CSMD1: variants seen among roughly 807,000 people sequenced by gnomAD.
The protein encoded by CSMD1 is CUB and sushi domain-containing protein 1.
CSMD1 carries 213 observed loss-of-function variants against 417.5 expected under a neutral mutation model. The observed-to-expected ratio is 0.51, with a 90% CI of 0.46 to 0.57. CSMD1 has a LOEUF of 0.57. Among genes scored for constraint, CSMD1 ranks in the 20% least tolerant of loss-of-function variants. The pLI is 0.00. For missense variants in CSMD1, 6,923 were observed against 4,529.7 expected (o/e 1.53, Z -15.17); for synonymous variants, 2,862 against 1,736.8 (o/e 1.65, Z -16.11).
intron 3 of CSMD1, among the ~76,000 whole-genome samples, chr8:4,204,723 T>C (rs561443085): frequency 2.0e-4 from 30 of 152,260 alleles, no homozygotes; most frequent in African/African-American, 7.2e-4. Flanking sequence ...AGTCAGATCA[T>C]AGCTCACTGC....
intron 5 of CSMD1, among the ~76,000 whole-genome samples, chr8:3,781,381 G>C (rs1328289686): frequency 6.6e-6 from 1 of 152,160 alleles, no homozygotes; most frequent in Non-Finnish European, 1.5e-5. Context: ...ATTCTATAGA[G>C]TTAATGCAAG....
intron 26 of CSMD1, among the ~76,000 whole-genome samples, chr8:3,249,082 G>A (rs1800084616): frequency 6.6e-6 from 1 of 152,292 alleles, no homozygotes; most frequent in African/African-American, 2.4e-5. Flanking sequence ...CTCAAAAAAT[G>A]TTTGTCGAAT....
chr8:4,302,096 C>T (rs1445732709), intron 3 of CSMD1, among the ~76,000 whole-genome samples: 1 of 152,068 alleles, frequency 6.6e-6, no homozygotes, highest in Non-Finnish European at 1.5e-5. Context: ...TTGTATAGTT[C>T]ATCATGTTCA....
chr8:3,582,972 T>A (rs1159424338), intron 9 of CSMD1, among the ~76,000 whole-genome samples: 1 of 152,170 alleles, frequency 6.6e-6, no homozygotes, highest in Non-Finnish European at 1.5e-5. Context: ...ATTAACTGAC[T>A]AAGTTAAGGA....
At chr8:4,514,585 G>A (rs1426954838) in intron 2 of CSMD1, among the ~76,000 whole-genome samples, 1 of 152,158 alleles carries the variant, frequency 6.6e-6, no homozygotes, top group African/African-American at 2.4e-5. Flanking sequence ...GAGACCGCTT[G>A]ACCTAATCTA....
intron 7 of CSMD1, 74 bp from the exon 8 acceptor site, chr8:3,616,871 G>C: frequency 2.0e-6 from 2 of 1,008,428 alleles, no homozygotes; most frequent in Non-Finnish European, 2.9e-6. Flanking sequence ...ATTTATTCTA[G>C]GCATTTTCAG....
At chr8:3,227,070 G>A (rs2116888629) in intron 27 of CSMD1, among the ~76,000 whole-genome samples, 1 of 152,212 alleles carries the variant, frequency 6.6e-6, no homozygotes, top group East Asian at 1.9e-4. Flanking sequence ...ATATATGGCT[G>A]ATGGCAGGTT....
intron 23 of CSMD1, among the ~76,000 whole-genome samples, 197 bp from the exon 24 acceptor site, chr8:3,308,700 C>G (rs1014690541): frequency 1.4e-5 from 2 of 143,682 alleles, no homozygotes; most frequent in African/African-American, 5.3e-5. Flanking sequence ...TCTTGAAGTT[C>G]GGTCATCTTA....
chr8:4,456,487 T>C (rs1223385264), intron 2 of CSMD1, among the ~76,000 whole-genome samples: 1 of 152,148 alleles, frequency 6.6e-6, no homozygotes. Flanking sequence ...GGAATAGTCT[T>C]TGGAAAATTG....
intron 10 of CSMD1, among the ~76,000 whole-genome samples, chr8:3,549,573 G>C (rs1798822028): frequency 6.6e-6 from 1 of 152,186 alleles, no homozygotes; most frequent in South Asian, 2.1e-4. Context: ...GCATTAATTT[G>C]TTAATGAATT....
chr8:3,628,373 T>A (rs1469296083), intron 7 of CSMD1, among the ~76,000 whole-genome samples: 1 of 152,226 alleles, frequency 6.6e-6, no homozygotes, highest in Non-Finnish European at 1.5e-5. Context: ...CCTTCCTTGT[T>A]TACCAGAGCA....
intron 5 of CSMD1, among the ~76,000 whole-genome samples, chr8:3,875,421 T>A (rs1027263073): frequency 1.3e-5 from 2 of 151,930 alleles, no homozygotes; most frequent in Non-Finnish European, 2.9e-5. Context: ...ATTGGAGGAG[T>A]TCCTGCAGGA....
At chr8:4,796,242 C>T (rs1399357928) in intron 1 of CSMD1, among the ~76,000 whole-genome samples, 1 of 151,912 alleles carries the variant, frequency 6.6e-6, no homozygotes, top group Non-Finnish European at 1.5e-5. Flanking sequence ...ATGAAAATGC[C>T]TCCTTTGCTG....
intron 1 of CSMD1, among the ~76,000 whole-genome samples, chr8:4,742,292 A>C (rs1039240406): frequency 6.6e-6 from 1 of 151,622 alleles, no homozygotes; most frequent in African/African-American, 2.4e-5. Flanking sequence ...GGCCTCCCAA[A>C]GTGCTGAGAT....
At chr8:3,832,877 A>C (rs1055767546) in intron 5 of CSMD1, among the ~76,000 whole-genome samples, 3 of 152,194 alleles carry the variant, frequency 2.0e-5, no homozygotes, top group African/African-American at 7.2e-5. Flanking sequence ...GGAGAATCCA[A>C]GAAGAAAACC....
chr8:3,903,367 A>G (rs1237743006), intron 5 of CSMD1, among the ~76,000 whole-genome samples: 2 of 152,180 alleles, frequency 1.3e-5, no homozygotes, highest in African/African-American at 4.8e-5. Context: ...GGGTTCAACA[A>G]AACAATTGCA....
chr8:4,771,020 C>G (rs575499086), intron 1 of CSMD1, among the ~76,000 whole-genome samples: 1 of 152,166 alleles, frequency 6.6e-6, no homozygotes, highest in African/African-American at 2.4e-5. Context: ...GAAAAGGCAA[C>G]TTACAGATTC....
chr8:3,415,662 G>GTATGTCACA (rs1176206418), intron 12 of CSMD1, among the ~76,000 whole-genome samples: 3 of 152,092 alleles, frequency 2.0e-5, no homozygotes, highest in African/African-American at 7.2e-5. Flanking sequence ...GCCTGGCCTT[G>GTATGTCACA]TATGTCACAT....
intron 12 of CSMD1, among the ~76,000 whole-genome samples, chr8:3,422,338 G>C (rs1290252459): frequency 6.6e-6 from 1 of 152,120 alleles, no homozygotes; most frequent in Admixed American, 6.6e-5. Context: ...TGGAAAAAAT[G>C]AGCCAGAAGT....
Sources: gnomAD v4.1 joint callset for allele counts (sites outside exome capture counted in the v4.1 genomes callset) on GRCh38, gnomAD v4.1.1 for gene constraint, MANE v1.5 for transcripts, NCBI Gene and HGNC (gene_info 2026-07-23, HGNC 2026-07-21) for gene names.